Variants in LOC128462377 observed in about 807,000 individuals in gnomAD.
the LOC128462377 span, among the ~76,000 whole-genome samples, chr16:89,417,861 G>A: frequency 2.0e-5 from 3 of 151,212 alleles, no homozygotes; most frequent in Admixed American, 6.6e-5. Flanking sequence ...GGATCCTAAC[G>A]AGCAGAACAG....
chr16:89,329,658 T>C, the LOC128462377 span, among the ~76,000 whole-genome samples: 19 of 152,332 alleles, frequency 1.2e-4, no homozygotes, highest in Middle Eastern at 3.4e-3. Context: ...GGAGGTAAGC[T>C]TCCTTTCATA....
the LOC128462377 span, among the ~76,000 whole-genome samples, chr16:89,406,876 T>C: frequency 1.1e-4 from 16 of 151,956 alleles, no homozygotes; most frequent in Non-Finnish European, 2.2e-4. Flanking sequence ...AGGAGACAAA[T>C]CAGCAACATT....
At chr16:89,388,747 C>G in the LOC128462377 span, among the ~76,000 whole-genome samples, 1 of 152,170 alleles carries the variant, frequency 6.6e-6, no homozygotes, top group African/African-American at 2.4e-5. Flanking sequence ...TCACACAGGT[C>G]TGGAATGGTG....
At chr16:89,377,484 G>A in the LOC128462377 span, among the ~76,000 whole-genome samples, 1 of 152,084 alleles carries the variant, frequency 6.6e-6, no homozygotes, top group Admixed American at 6.6e-5. Context: ...CGGGGCAGGA[G>A]GGCTGGGGGG....
the LOC128462377 span, among the ~76,000 whole-genome samples, chr16:89,332,447 C>A: frequency 6.6e-6 from 1 of 152,168 alleles, no homozygotes; most frequent in South Asian, 2.1e-4. Flanking sequence ...AACGGCAGCA[C>A]CTGTACCCGC....
the LOC128462377 span, among the ~76,000 whole-genome samples, chr16:89,398,542 C>A: frequency 6.6e-6 from 1 of 152,094 alleles, no homozygotes; most frequent in African/African-American, 2.4e-5. Context: ...CACAGGGAGA[C>A]CCCATCTCTT....
the LOC128462377 span, among the ~76,000 whole-genome samples, chr16:89,393,507 T>G: frequency 2.7e-5 from 4 of 148,710 alleles, no homozygotes; most frequent in Non-Finnish European, 6.0e-5. Flanking sequence ...TTTTTTTTTT[T>G]TGTATTTTTA....
the LOC128462377 span, among the ~76,000 whole-genome samples, chr16:89,372,433 G>C: frequency 1.3e-5 from 2 of 152,208 alleles, no homozygotes; most frequent in African/African-American, 4.8e-5. Flanking sequence ...GGCAGGCGGA[G>C]TGAGAGGCGG....
chr16:89,368,527 T>G, the LOC128462377 span, among the ~76,000 whole-genome samples: 5 of 151,456 alleles, frequency 3.3e-5, no homozygotes, highest in African/African-American at 4.8e-5. Flanking sequence ...GCCCAGAGCT[T>G]CTTTTGTGCA....
chr16:89,326,742 A>G, the LOC128462377 span, among the ~76,000 whole-genome samples: 1 of 152,076 alleles, frequency 6.6e-6, no homozygotes, highest in Non-Finnish European at 1.5e-5. Flanking sequence ...ACCCTGTGTG[A>G]AAAAAACCCA....
chr16:89,348,416 T>C, the LOC128462377 span, among the ~76,000 whole-genome samples: 1 of 152,288 alleles, frequency 6.6e-6, no homozygotes, highest in Non-Finnish European at 1.5e-5. Flanking sequence ...TTTACATCAG[T>C]ATTAATGTGG....
chr16:89,320,431 A>T, the LOC128462377 span: 32 of 152,174 alleles, frequency 2.1e-4, no homozygotes, highest in Non-Finnish European at 2.9e-5. Flanking sequence ...GCCTCAGGCC[A>T]CTGGGGCTGA....
the LOC128462377 span, among the ~76,000 whole-genome samples, chr16:89,347,516 C>T: frequency 6.6e-6 from 1 of 150,444 alleles, no homozygotes; most frequent in Non-Finnish European, 1.5e-5. Flanking sequence ...GAGGCTGAGG[C>T]AGGAGAATGG....
At chr16:89,353,069 G>T in the LOC128462377 span, among the ~76,000 whole-genome samples, 1 of 152,234 alleles carries the variant, frequency 6.6e-6, no homozygotes, top group African/African-American at 2.4e-5. Context: ...GCTGGGCGCG[G>T]TGGCTCACGC....
the LOC128462377 span, among the ~76,000 whole-genome samples, chr16:89,320,785 G>A: frequency 2.0e-5 from 3 of 152,246 alleles, no homozygotes; most frequent in Non-Finnish European, 4.4e-5. Flanking sequence ...GGCCAGCTCT[G>A]GGATCCAGGG....
the LOC128462377 span, among the ~76,000 whole-genome samples, chr16:89,393,691 G>A: frequency 6.6e-6 from 1 of 151,920 alleles, no homozygotes; most frequent in South Asian, 2.1e-4. Context: ...GGATTTGTAA[G>A]GGTTAGAAGG....
At chr16:89,378,509 G>C in the LOC128462377 span, among the ~76,000 whole-genome samples, 5 of 152,142 alleles carry the variant, frequency 3.3e-5, no homozygotes, top group African/African-American at 1.2e-4. Flanking sequence ...CAAAAACGTA[G>C]AGCTTTAAAG....
At chr16:89,324,129 C>T in the LOC128462377 span, 7 of 818,346 alleles carry the variant, frequency 8.6e-6, no homozygotes, top group African/African-American at 5.5e-5. Flanking sequence ...CACGGCACAA[C>T]GCTCTCTACT....
the LOC128462377 span, among the ~76,000 whole-genome samples, chr16:89,372,192 C>A: frequency 1.3e-5 from 2 of 152,254 alleles, no homozygotes; most frequent in Non-Finnish European, 2.9e-5. Flanking sequence ...AAAGCAGCGG[C>A]AGCGCACGGC....
Sources: gnomAD v4.1 joint callset for allele counts (sites outside exome capture counted in the v4.1 genomes callset) on GRCh38, gnomAD v4.1.1 for gene constraint, MANE v1.5 for transcripts.